Variants in SMAD7 observed in about 807,000 individuals in gnomAD.
SMAD7 encodes SMAD family member 7, also known as MAD (mothers against decapentaplegic, Drosophila) homolog 7.
SMAD7 carries 8 observed loss-of-function variants against 38.7 expected under a neutral mutation model. That is an observed-to-expected ratio of 0.21 (90% CI 0.12 to 0.37). The LOEUF is 0.37. Ranked by LOEUF, SMAD7 falls within the 10% of genes least tolerant of loss-of-function variation. The probability of loss-of-function intolerance (pLI) is 1.00; values close to 1 mark genes in which losing one functional copy is unlikely to be tolerated. For synonymous variants in SMAD7, 327 were observed against 265.1 expected (o/e 1.23, Z -2.27); for missense variants, 477 against 577.9 (o/e 0.83, Z 1.79).
In SMAD7 at chr18:48,928,087, C is replaced by A. The variant is rs543577388; in HGVS notation, c.743-6177G>T. On this transcript the variant is annotated intron_variant, in intron 3 of 3. Transcript: ENST00000262158. ...TTTTAGAGCTGCGCATGGGGTGCAA[C>A]TCCCCTGCAGCAAGAAGTGGGGGGT... Among the ~76,000 whole-genome samples the A allele has an allele frequency of 7.0e-4, 107 of 152,368 alleles. 1 individual carries two copies. Among genetic ancestry groups the A allele is most frequent in the African/African-American group, 2.5e-3 (103 of 41,594 alleles).
At chr18:48,946,436 G>GGGA (rs908128683) in intron 2 of SMAD7, among the ~76,000 whole-genome samples, 4 of 152,046 alleles carry the variant, frequency 2.6e-5, no homozygotes, top group Admixed American at 1.3e-4. Flanking sequence ...GGGGCGGGGG[G>GGGA]GGTGTGCTCC....
Position 48,950,306 on chromosome 18 carries a change from T to C in SMAD7, c.119A>G (p.Glu40Gly). The change falls in exon 1 of 4, where the codon GAA (glutamate) becomes GGA (glycine). Residue 40 changes from glutamate (E) to glycine (G), a missense_variant. Around this residue, in one of 2 missense-constraint regions of SMAD7, gnomAD observed 376 missense variants for 379.4 expected, o/e 0.99. Transcript: ENST00000262158. Reference sequence around the variant, plus strand: ...ATGCGCTCGGCTGTCCGTCGCCCCTTCTCCCCGCAGCTCGCCTCCTCCTCC... The same window carrying C: ...ATGCGCTCGGCTGTCCGTCGCCCCTCCTCCCCGCAGCTCGCCTCCTCCTCC... ...GGGGGGELRG[E>G]GATDSRAHGA... The C allele has an allele frequency of 6.5e-7, 1 of 1,533,072 alleles. No homozygotes were observed. Among genetic ancestry groups the C allele is most frequent in the Non-Finnish European group, 8.8e-7 (1 of 1,140,640 alleles). 95.0% of individuals were successfully genotyped at this position (1,533,072 alleles called of 1,614,324 possible).
At chr18:48,925,440 CCA>C (rs1568298118) in intron 3 of SMAD7, among the ~76,000 whole-genome samples, 5 of 150,460 alleles carry the variant, frequency 3.3e-5, no homozygotes, top group African/African-American at 4.9e-5. Context: ...TTGCCCCCCC[CCA>C]ACCTTCCCCA....
chr18:48,931,980 C>CT (rs1555716452), intron 3 of SMAD7, among the ~76,000 whole-genome samples: 8,900 of 57,612 alleles, frequency 0.15, 377 homozygotes, highest in East Asian at 0.21. Flanking sequence ...CAGAAAACAG[C>CT]CCCCCCAGCA....
chr18:48,922,531 G>A (rs935744511), intron 3 of SMAD7, among the ~76,000 whole-genome samples: 3 of 152,112 alleles, frequency 2.0e-5, no homozygotes, highest in East Asian at 3.9e-4. Flanking sequence ...ATAAAAATGA[G>A]GGTGGCTTGG....
Position 48,921,386 on chromosome 18 carries a change from A to G in SMAD7, c.1267T>C (p.Phe423Leu), listed in dbSNP as rs765155533. ...TCCGCACGCGGCTACCGGCTGTTGA[A>G]GATGACCTCTAGCCAGCACGGGCAG... ...SSCPCWLEVIFNSR is the reference protein window; with the variant it reads ...SSCPCWLEVILNSR The change falls in exon 4 of 4, where the codon TTC becomes CTC. Residue 423 changes from phenylalanine (F) to leucine (L), a missense_variant. Transcript: ENST00000262158. The surrounding 1 kb of genome is among the most constrained non-coding windows in gnomAD (Gnocchi z 6.4). 1.2e-6 allele frequency: 2 copies of G among 1,610,594 alleles called. No homozygotes were observed. The highest frequency in any genetic ancestry group is 2.2e-5 in the South Asian group (2 of 91,054).
chr18:48,936,187 T>C (rs966006744), intron 3 of SMAD7, among the ~76,000 whole-genome samples: 2 of 151,474 alleles, frequency 1.3e-5, no homozygotes. Context: ...GTACTTCCCA[T>C]GTGACCTCAG....
Position 48,921,758 on chromosome 18 carries a change from C to T in SMAD7, c.895G>A (p.Gly299Arg), listed in dbSNP as rs759712377. The change falls in exon 4 of 4, where the codon GGA (glycine) becomes AGA (arginine). Residue 299 changes from glycine to arginine, a missense_variant. Physicochemically the swap from Gly to Arg is moderately radical, Grantham distance 125. This residue lies in a region of SMAD7 where 101 missense variants were observed against 198.5 expected (regional missense o/e 0.51). Coordinates refer to ENST00000262158, the MANE Select transcript of SMAD7 (RefSeq NM_005904.4). The surrounding 1 kb of genome is among the most constrained non-coding windows in gnomAD (Gnocchi z 6.4). ...CTCTTGTTGTCCGAATTGAGCTGTC[C>T]GAGGCAAAAGCCATTCCCCTGAGGT... Reference protein sequence around the residue: ...DLPQGNGFCLGQLNSDNKSQL... With the variant: ...DLPQGNGFCLRQLNSDNKSQL... 7 of 1,614,122 alleles carry T rather than the reference C, an allele frequency of 4.3e-6. No individual in the cohort carries two copies. Among genetic ancestry groups the T allele is most frequent in the African/African-American group, 2.7e-5 (2 of 75,008 alleles).
Position 48,950,338 on chromosome 18 carries a change from C to T in SMAD7, c.87G>A (p.Gly29=). The T allele has an allele frequency of 6.5e-7, 1 of 1,542,516 alleles. No homozygotes were observed. The highest frequency in any genetic ancestry group is 1.2e-5 in the South Asian group (1 of 83,502). ...PGGEDEEEGA[G]GGGGGGELRG... is the part of the protein sequence containing the mutation. ...GCAGCTCGCCTCCTCCTCCACCTCC[C>T]CCTGCGCCCTCCTCCTCGTCCTCGC... The change falls in exon 1 of 4, where the codon GGG becomes GGA. Residue 29 remains glycine (G), a synonymous_variant. Transcript: ENST00000262158.
At chr18:48,941,442 G>A (rs2070138631) in intron 3 of SMAD7, among the ~76,000 whole-genome samples, 1 of 152,136 alleles carries the variant, frequency 6.6e-6, no homozygotes, top group Non-Finnish European at 1.5e-5. Context: ...AACTTTGCCT[G>A]AGCCAGCCAT....
chr18:48,940,278 C>T (rs2070122088), intron 3 of SMAD7, among the ~76,000 whole-genome samples: 1 of 152,332 alleles, frequency 6.6e-6, no homozygotes, highest in Admixed American at 6.5e-5. Flanking sequence ...ATGTGGAAGG[C>T]CCCCTCTTCT....
rs939723203 is a variant in SMAD7, at chr18:48,950,355, C to G, written c.70G>C (p.Glu24Gln). ...WRSRAPGGED[E>Q]EEGAGGGGGG... ...CCACCTCCCCCTGCGCCCTCCTCCT[C>G]GTCCTCGCCGCCGGGCGCACGGCTC... The change falls in exon 1 of 4, where the codon GAG (glutamate) becomes CAG (glutamine). Residue 24 changes from glutamate to glutamine, a missense_variant. Glu to Gln is a conservative substitution (Grantham distance 29, BLOSUM62 2). This residue lies in a region of SMAD7 where 376 missense variants were observed against 379.4 expected (regional missense o/e 0.99). Coordinates refer to ENST00000262158, the MANE Select transcript of SMAD7 (RefSeq NM_005904.4). 1.6e-5 allele frequency: 24 copies of G among 1,541,526 alleles called. No individual in the cohort carries two copies. Among genetic ancestry groups the G allele is most frequent in the Non-Finnish European group, 1.9e-5 (22 of 1,143,326 alleles).
In SMAD7 at chr18:48,920,637, T is replaced by C. The variant is rs1036960315; in HGVS notation, c.*735A>G. 2.0e-5 allele frequency: 3 copies of C among 152,448 alleles called. No homozygotes were observed. The highest frequency in any genetic ancestry group is 7.2e-5 in the African/African-American group (3 of 41,442). 9.4% of individuals were successfully genotyped at this position (152,448 alleles called of 1,614,324 possible). ...CATCTCAGGGAGATCCAGGAGCAGA[T>C]GGCCAAAAAAGAAAGACGCTACAAT... On this transcript the variant is annotated 3_prime_UTR_variant, in exon 4 of 4. Coordinates refer to ENST00000262158, the MANE Select transcript of SMAD7 (RefSeq NM_005904.4).
chr18:48,927,256 C>A (rs1402852164), intron 3 of SMAD7, among the ~76,000 whole-genome samples: 2 of 152,110 alleles, frequency 1.3e-5, no homozygotes, highest in Non-Finnish European at 2.9e-5. Flanking sequence ...GCTCTCTCCC[C>A]AAACAGATCA....
chr18:48,929,275 T>C (rs1434038531), intron 3 of SMAD7, among the ~76,000 whole-genome samples: 1 of 152,068 alleles, frequency 6.6e-6, no homozygotes, highest in Non-Finnish European at 1.5e-5. Context: ...ACAGAAGCCC[T>C]CAGCCCTGCA....
chr18:48,927,384 C>T (rs35352860), intron 3 of SMAD7, among the ~76,000 whole-genome samples: 31,499 of 151,654 alleles, frequency 0.21, 4,050 homozygotes, highest in Non-Finnish European at 0.27. Context: ...GCAGGGGGTG[C>T]CACAGGGTCT....
chr18:48,934,425 C>T lies in SMAD7; in HGVS notation c.742+8056G>A, dbSNP rs1012984177. 8.0e-5 allele frequency among the ~76,000 whole-genome samples: 12 copies of T among 150,474 alleles called. No individual in the cohort carries two copies. The East Asian group carries it at 1.8e-3, about 22-fold the overall frequency. On this transcript the variant is annotated intron_variant, in intron 3 of 3. Coordinates refer to ENST00000262158, the MANE Select transcript of SMAD7 (RefSeq NM_005904.4). The stretch of plus-strand genomic sequence containing the variant: ...CGGGGGTGGGTAAAAAGGCTAAAGG[C>T]GTGAGTAAATTCTTACGTACCCCCC...
chr18:48,921,161 A>C lies in SMAD7; in HGVS notation c.*211T>G, dbSNP rs1161515173. ...CATACCTGCCCCTTCTTCCAAAAAA[A>C]CCCCCAACAATTCTTTTCATAAGCT... is the stretch of plus-strand genomic sequence containing the variant. On this transcript the variant is annotated 3_prime_UTR_variant, in exon 4 of 4. Coordinates refer to ENST00000262158, the MANE Select transcript of SMAD7 (RefSeq NM_005904.4). The surrounding 1 kb of genome is among the most constrained non-coding windows in gnomAD (Gnocchi z 6.4). The C allele has an allele frequency of 1.8e-6, 1 of 560,524 alleles. No individual in the cohort carries two copies. The highest frequency in any genetic ancestry group is 3.1e-6 in the Non-Finnish European group (1 of 319,174). The allele number at this position is 560,524 out of a possible 1,614,324, so 34.7% of individuals were successfully genotyped here. A position where few individuals can be genotyped will look rare whatever the true frequency, so the allele number is the denominator to read the frequency against.
rs1416134181 is a variant in SMAD7 at position 48,937,263 on chromosome 18, C to CGT, written c.742+5217_742+5218insAC. 2.4e-3 allele frequency among the ~76,000 whole-genome samples: 167 copies of CGT among 69,110 alleles called. 1 individual carries two copies. Among genetic ancestry groups the CGT allele is most frequent in the African/African-American group, 8.7e-3 (134 of 15,366 alleles). The allele number at this position is 69,110 out of a possible 152,430, so 45.3% of individuals were successfully genotyped here. A position where few individuals can be genotyped will look rare whatever the true frequency, so the allele number is the denominator to read the frequency against. The stretch of plus-strand genomic sequence containing the variant: ...ACAGTCAGGCTTTGCTAAGTAAAGG[C>CGT]ATGTGTGTGTGTGTGTGTGTGTGTG... On this transcript the variant is annotated intron_variant, in intron 3 of 3. Transcript: ENST00000262158.
Sources: allele counts gnomAD v4.1 joint callset (sites outside exome capture counted in the v4.1 genomes callset), GRCh38; gene constraint gnomAD v4.1.1; regional missense constraint gnomAD v4.1.1; non-coding constraint Gnocchi (gnomAD v3.1); transcripts MANE v1.5; gene names NCBI Gene and HGNC (gene_info 2026-07-23, HGNC 2026-07-21).